Variants in PCDHGA4 observed in about 807,000 individuals in gnomAD.
PCDHGA4 encodes the protein protocadherin gamma-A4.
Under a neutral mutation model 54.6 loss-of-function variants are expected in PCDHGA4, and 38 were observed. The observed-to-expected ratio is 0.70, with a 90% CI of 0.54 to 0.91. The LOEUF is 0.91. Ranked by LOEUF, PCDHGA4 falls within the 40% of genes least tolerant of loss-of-function variation. PCDHGA4 has a pLI of 0.00. For synonymous variants in PCDHGA4, 511 were observed against 512.9 expected (o/e 1.00, Z 0.05); for missense variants, 1,298 against 1,220.9 (o/e 1.06, Z -0.94).
In PCDHGA4 at chr5:141,385,016, C is replaced by G. The variant is rs536780147; in HGVS notation, c.2514+27395C>G. 1.9e-6 allele frequency: 3 copies of G among 1,614,186 alleles called. No individual in the cohort carries two copies. In the South Asian group the frequency reaches 3.3e-5, roughly 18 times the overall value. On this transcript the variant is annotated intron_variant, in intron 1 of 3. Transcript: ENST00000571252. ...GCCACAGTCTCCTGCGTCTTCCTAG[C>G]CTTCGTCCTCGTACTGCTGGCGCTC...
chr5:141,489,334 C>T lies in PCDHGA4; in HGVS notation c.2515-5473C>T, dbSNP rs768635851. On this transcript the variant is annotated intron_variant, in intron 1 of 3. Transcript: ENST00000571252. This position sits in a 1 kb window ranked among gnomAD's most constrained non-coding sequence, Gnocchi z 4.5. ...CTGGGGCTGGGTGTCTGGGCAGCTTCGTTACTCAGTGGTGGAGGAGTCTGA... is the reference window on the plus strand; with the variant it reads ...CTGGGGCTGGGTGTCTGGGCAGCTTTGTTACTCAGTGGTGGAGGAGTCTGA... The T allele has an allele frequency of 3.7e-6, 6 of 1,606,732 alleles. No individual in the cohort carries two copies. The highest frequency in any genetic ancestry group is 1.1e-5 in the South Asian group (1 of 90,048).
At chr5:141,360,879 G>A in intron 1 of PCDHGA4, 1 of 1,614,000 alleles carries the variant, frequency 6.2e-7, no homozygotes, top group South Asian at 1.1e-5. Flanking sequence ...ACGTGTACAG[G>A]GTCACCCTGA....
intron 1 of PCDHGA4, chr5:141,359,984 G>A (rs927658696): frequency 3.4e-6 from 3 of 894,908 alleles, no homozygotes; most frequent in Non-Finnish European, 3.1e-6. Context: ...GCCTCTTAGA[G>A]GGGAACTTCC....
At position 141,366,468 on chromosome 5, in the gene PCDHGA4, T is replaced by G. The variant is rs745680725; in HGVS notation, c.2514+8847T>G. 5.0e-6 allele frequency: 8 copies of G among 1,614,130 alleles called. No homozygotes were observed. The Admixed American group carries it at 5.0e-5, about 10-fold the overall frequency. On this transcript the variant is annotated intron_variant, in intron 1 of 3. Coordinates refer to ENST00000571252, the MANE Select transcript of PCDHGA4 (RefSeq NM_018917.4). ...CTGGCCTTCGTCATCGTGCTGCTGG[T>G]GCTCAGACTGAGGCGCTGGCACAAG...
intron 1 of PCDHGA4, chr5:141,404,354 G>A (rs749866543): frequency 6.2e-7 from 1 of 1,613,916 alleles, no homozygotes; most frequent in Non-Finnish European, 8.5e-7. Flanking sequence ...CAACGCCAGA[G>A]GTACTTCCAT....
chr5:141,448,505 T>C (rs1041076095), intron 1 of PCDHGA4, among the ~76,000 whole-genome samples: 24 of 152,172 alleles, frequency 1.6e-4, no homozygotes, highest in African/African-American at 5.8e-4. Flanking sequence ...AGGTAAACAT[T>C]TTATAACTTT....
At chr5:141,384,012 A>G in intron 1 of PCDHGA4, 1 of 1,613,830 alleles carries the variant, frequency 6.2e-7, no homozygotes, top group Non-Finnish European at 8.5e-7. Flanking sequence ...TTTTCTACCT[A>G]CAAGACAGAG....
At chr5:141,430,584 G>A (rs1451886397) in intron 1 of PCDHGA4, 3 of 495,136 alleles carry the variant, frequency 6.1e-6, no homozygotes, top group African/African-American at 5.9e-5. Flanking sequence ...GATCCTGCTC[G>A]CCTTGCACGC....
Position 141,476,676 on chromosome 5 carries a change from G to T in PCDHGA4, c.2515-18131G>T. 1.2e-6 allele frequency: 2 copies of T among 1,614,222 alleles called. No individual in the cohort carries two copies. The highest frequency in any genetic ancestry group is 1.7e-6 in the Non-Finnish European group (2 of 1,180,054). ...TACTTTGCGCTTCGCGTGCAGACGC[G>T]GGAGGACAGCACCAAGTACGCGGAG... On this transcript the variant is annotated intron_variant, in intron 1 of 3. Transcript: ENST00000571252. The surrounding 1 kb of genome is among the most constrained non-coding windows in gnomAD (Gnocchi z 7.6).
In PCDHGA4 at chr5:141,355,188, C is replaced by T. The variant is rs779562339; in HGVS notation, c.81C>T (p.Arg27=). Residue 27 remains arginine, a synonymous_variant, in exon 1 of 4, where the codon CGC becomes CGT. Coordinates refer to ENST00000571252, the MANE Select transcript of PCDHGA4 (RefSeq NM_018917.4). ...GAAAACCGAAGCACAGGCGACTCCG[C>T]GGCGGGGTTGTAATGGCGGCGCCTC... ...TEGKPKHRRL[R]GGVVMAAPPA... is the part of the protein sequence containing the mutation. 35 of 1,589,838 alleles carry T rather than the reference C, an allele frequency of 2.2e-5. No homozygotes were observed. In the Admixed American group the frequency reaches 2.3e-4, roughly 10 times the overall value.
intron 1 of PCDHGA4, among the ~76,000 whole-genome samples, chr5:141,443,667 C>G (rs62379164): frequency 0.042 from 6,382 of 152,210 alleles, 168 homozygotes; most frequent in Middle Eastern, 0.088. Flanking sequence ...TTTTACTGAA[C>G]TAGTAGTTTA....
chr5:141,498,940 A>G (rs527366029), intron 2 of PCDHGA4, among the ~76,000 whole-genome samples: 57 of 140,142 alleles, frequency 4.1e-4, no homozygotes, highest in Non-Finnish European at 7.3e-4. Flanking sequence ...CAGGAAAGAA[A>G]GAAAGAAAAA....
chr5:141,458,168 A>G (rs1287422935), intron 1 of PCDHGA4, among the ~76,000 whole-genome samples: 1 of 152,254 alleles, frequency 6.6e-6, no homozygotes. Context: ...TGTTCACAGT[A>G]GTATACCTTA....
chr5:141,426,085 C>T (rs1315114723), intron 1 of PCDHGA4, among the ~76,000 whole-genome samples: 7 of 152,148 alleles, frequency 4.6e-5, no homozygotes, highest in Non-Finnish European at 8.8e-5. Flanking sequence ...TCTACCAGGA[C>T]GATATTCTGT....
intron 1 of PCDHGA4, among the ~76,000 whole-genome samples, chr5:141,483,272 A>T (rs545719861): frequency 4.4e-4 from 67 of 152,196 alleles, no homozygotes; most frequent in African/African-American, 1.4e-3. Flanking sequence ...TGTTTTAGAA[A>T]TATTATTCTG....
At chr5:141,375,325 G>A (rs1021429198) in intron 1 of PCDHGA4, 6 of 1,613,650 alleles carry the variant, frequency 3.7e-6, no homozygotes, top group Admixed American at 1.7e-5. Context: ...ACCGGGAAGA[G>A]GTATTCTTGT....
intron 1 of PCDHGA4, chr5:141,371,616 G>A: frequency 6.2e-7 from 1 of 1,614,012 alleles, no homozygotes; most frequent in Non-Finnish European, 8.5e-7. Flanking sequence ...GGTGACAGAT[G>A]GAGCCCTGGA....
At chr5:141,437,249 T>G (rs2097870737) in intron 1 of PCDHGA4, among the ~76,000 whole-genome samples, 1 of 152,240 alleles carries the variant, frequency 6.6e-6, no homozygotes, top group African/African-American at 2.4e-5. Context: ...GGACTTTCCT[T>G]GTCTTTTTAT....
rs769760594 is a variant in PCDHGA4, at chr5:141,389,212, TA to T, written c.2514+31594del. ...AGCATCACCCTGCACATTGGTGATG[TA>T]AATGACAACGCTCCGGTTTTCTCAC... On this transcript the variant is annotated intron_variant, in intron 1 of 3. Coordinates refer to ENST00000571252, the MANE Select transcript of PCDHGA4 (RefSeq NM_018917.4). 96 of 1,614,016 alleles carry T rather than the reference TA, an allele frequency of 5.9e-5. No homozygotes were observed. The East Asian group carries it at 2.0e-3, about 33-fold the overall frequency.
Sources: gnomAD v4.1 joint callset for allele counts (sites outside exome capture counted in the v4.1 genomes callset) on GRCh38, gnomAD v4.1.1 for gene constraint, Gnocchi (gnomAD v3.1) non-coding constraint, MANE v1.5 for transcripts, NCBI Gene and HGNC (gene_info 2026-07-23, HGNC 2026-07-21) for gene names.